CD200R1L: variants seen among roughly 807,000 people sequenced by gnomAD.
CD200R1L encodes CD200 receptor 1 like.
CD200R1L carries 14 observed loss-of-function variants against 24.8 expected under a neutral mutation model. The ratio of observed to expected loss-of-function variants is 0.56; its 90% CI spans 0.37 to 0.88. The LOEUF (loss-of-function observed/expected upper bound fraction) is 0.88. Among genes scored for constraint, CD200R1L ranks in the 40% least tolerant of loss-of-function variants. CD200R1L has a pLI of 0.00. For synonymous variants in CD200R1L, 111 were observed against 109.2 expected (o/e 1.02, Z -0.11); for missense variants, 299 against 297.8 (o/e 1.00, Z -0.03).
At chr3:112,825,537 G>A (rs1245713177) in intron 6 of CD200R1L, among the ~76,000 whole-genome samples, 6 of 151,636 alleles carry the variant, frequency 4.0e-5, no homozygotes, top group Admixed American at 6.6e-5. Flanking sequence ...CTTTTTGTCA[G>A]AGCATTTTCT....
intron 2 of CD200R1L, among the ~76,000 whole-genome samples, chr3:112,842,400 T>G (rs1939103609): frequency 6.6e-6 from 1 of 152,224 alleles, no homozygotes; most frequent in African/African-American, 2.4e-5. Flanking sequence ...AAGCTGAGGA[T>G]TTACATCACC....
chr3:112,834,765 T>C lies in CD200R1L; in HGVS notation c.-18+3177A>G, dbSNP rs143004858. ...CACAGACCAATGAGGGATGTGTGAGTGAGCATGGGATCCAACCACTGCACA... is the reference window on the plus strand; with the variant it reads ...CACAGACCAATGAGGGATGTGTGAGCGAGCATGGGATCCAACCACTGCACA... On this transcript the variant is annotated intron_variant, in intron 3 of 7. Coordinates refer to ENST00000488794, the MANE Select transcript of CD200R1L (RefSeq NM_001199215.3). 3.2e-4 allele frequency among the ~76,000 whole-genome samples: 49 copies of C among 152,204 alleles called. 1 individual carries two copies. Among genetic ancestry groups the C allele is most frequent in the Admixed American group, 2.4e-3 (36 of 15,296 alleles).
intron 6 of CD200R1L, among the ~76,000 whole-genome samples, chr3:112,824,734 G>C (rs989201885): frequency 2.0e-5 from 3 of 152,298 alleles, no homozygotes; most frequent in East Asian, 1.9e-4. Flanking sequence ...GTGCCAAGCA[G>C]TCAATTACAG....
chr3:112,840,102 C>T (rs902549910), intron 2 of CD200R1L, among the ~76,000 whole-genome samples: 3 of 152,140 alleles, frequency 2.0e-5, no homozygotes, highest in African/African-American at 7.2e-5. Flanking sequence ...AAAGACAAAG[C>T]TGAATGAGGC....
At position 112,827,395 on chromosome 3, in the gene CD200R1L, G is replaced by A. The variant is rs1938688577; in HGVS notation, c.339C>T (p.Phe113=). The A allele has an allele frequency of 6.2e-7, 1 of 1,613,998 alleles. No homozygotes were observed. Among genetic ancestry groups the A allele is most frequent in the Non-Finnish European group, 8.5e-7 (1 of 1,179,978 alleles). ...ACACTTGGAGGTGATATCCACGATG[G>A]AAATTCCCATCAGGTGTTACCACTA... ...RGIVVTPDGN[F]HRGYHLQVLV... Residue 113 remains phenylalanine, a synonymous_variant, in exon 5 of 8, where the codon TTC becomes TTT. Transcript: ENST00000488794.
intron 3 of CD200R1L, among the ~76,000 whole-genome samples, chr3:112,830,296 C>T (rs1938764764): frequency 6.6e-6 from 1 of 152,060 alleles, no homozygotes; most frequent in African/African-American, 2.4e-5. Flanking sequence ...CAGTAATTCT[C>T]AAAGCGTGGT....
intron 3 of CD200R1L, among the ~76,000 whole-genome samples, chr3:112,832,120 A>T (rs1037578027): frequency 1.1e-4 from 16 of 152,188 alleles, no homozygotes; most frequent in African/African-American, 3.9e-4. Context: ...TCACCAAAGA[A>T]CCTATGACCA....
chr3:112,838,000 A>G lies in CD200R1L; in HGVS notation c.-76T>C. ...CCAGTTGTGTCATCAGACAGGAATTATTATCTGAGGCTAGAAAATATTTAA... is the reference window on the plus strand; with the variant it reads ...CCAGTTGTGTCATCAGACAGGAATTGTTATCTGAGGCTAGAAAATATTTAA... On this transcript the variant is annotated 5_prime_UTR_variant, in exon 3 of 8. Transcript: ENST00000488794. The G allele has an allele frequency of 8.1e-7, 1 of 1,233,542 alleles. No individual in the cohort carries two copies. The highest frequency in any genetic ancestry group is 1.0e-6 in the Non-Finnish European group (1 of 960,672). The allele number at this position is 1,233,542 out of a possible 1,614,324, so 76.4% of individuals were successfully genotyped here.
At chr3:112,818,875 GA>G (rs1376626692) in intron 7 of CD200R1L, 2 of 154,386 alleles carry the variant, frequency 1.3e-5, no homozygotes, top group African/African-American at 4.8e-5. Flanking sequence ...CTAAGAGTCT[GA>G]AACAGATCTT....
At chr3:112,825,105 G>C (rs772856279) in intron 6 of CD200R1L, among the ~76,000 whole-genome samples, 1 of 152,070 alleles carries the variant, frequency 6.6e-6, no homozygotes, top group Non-Finnish European at 1.5e-5. Context: ...CAGGCGTGGT[G>C]GTGGGCGCCT....
Position 112,815,987 on chromosome 3 carries a change from A to C in CD200R1L, c.741-12T>G, listed in dbSNP as rs755438822. ...TTTAAAGAACTTTTCTGAAAGTATT[A>C]CACAAGATTTGTATTTATATCTCAT... On this transcript the variant is annotated splice_polypyrimidine_tract_variant and intron_variant, in intron 7 of 7. Transcript: ENST00000488794. 3 of 780,218 alleles carry C rather than the reference A, an allele frequency of 3.8e-6. No homozygotes were observed. The highest frequency in any genetic ancestry group is 1.7e-5 in the African/African-American group (1 of 59,124). 48.3% of individuals were successfully genotyped at this position (780,218 alleles called of 1,614,324 possible). A position where few individuals can be genotyped will look rare whatever the true frequency, so the allele number is the denominator to read the frequency against.
chr3:112,818,826 G>A (rs1349801420), intron 7 of CD200R1L: 2 of 141,620 alleles, frequency 1.4e-5, no homozygotes, highest in Non-Finnish European at 3.1e-5. Context: ...ATTTATGATG[G>A]CAGGCACGAA....
intron 6 of CD200R1L, among the ~76,000 whole-genome samples, chr3:112,825,252 TAAA>T (rs142848683): frequency 3.2e-5 from 4 of 126,232 alleles, no homozygotes; most frequent in African/African-American, 5.9e-5. Flanking sequence ...AAACAAAGAT[TAAA>T]AAAAAAAAAA....
chr3:112,845,975 A>G (rs2107358847), intron 1 of CD200R1L, 25 bp from the exon 2 acceptor site: 1 of 459,978 alleles, frequency 2.2e-6, no homozygotes. Flanking sequence ...AAAAAAGCCA[A>G]TGCTTACTAC....
intron 6 of CD200R1L, among the ~76,000 whole-genome samples, chr3:112,825,624 T>TA (rs1938639477): frequency 1.3e-5 from 2 of 152,038 alleles, no homozygotes; most frequent in East Asian, 1.9e-4. Flanking sequence ...GCTCCTCTTT[T>TA]AAAAAAATTC....
At chr3:112,842,443 C>A (rs552223221) in intron 2 of CD200R1L, among the ~76,000 whole-genome samples, 2 of 152,248 alleles carry the variant, frequency 1.3e-5, no homozygotes, top group East Asian at 1.9e-4. Flanking sequence ...GTTAACTGTA[C>A]AAATTGACTG....
chr3:112,840,978 A>G (rs985777954), intron 2 of CD200R1L, among the ~76,000 whole-genome samples: 6 of 152,202 alleles, frequency 3.9e-5, no homozygotes, highest in African/African-American at 1.4e-4. Context: ...GAGCTATTTC[A>G]TAACCACAGA....
At chr3:112,824,089 T>G (rs942808747) in intron 6 of CD200R1L, among the ~76,000 whole-genome samples, 1 of 152,100 alleles carries the variant, frequency 6.6e-6, no homozygotes, top group Non-Finnish European at 1.5e-5. Context: ...ACAAGGACAT[T>G]GCAATAATCC....
intron 2 of CD200R1L, among the ~76,000 whole-genome samples, chr3:112,844,120 CAGACAGTGTT>C (rs1189040028): frequency 6.6e-6 from 1 of 152,194 alleles, no homozygotes; most frequent in East Asian, 1.9e-4. Flanking sequence ...CAACATCCCA[CAGACAGTGTT>C]AGATCATCAA....
Sources: allele counts gnomAD v4.1 joint callset (sites outside exome capture counted in the v4.1 genomes callset), GRCh38; gene constraint gnomAD v4.1.1; transcripts MANE v1.5; gene names NCBI Gene and HGNC (gene_info 2026-07-23, HGNC 2026-07-21).